The following CLCN7 variants were observed in gnomAD, a reference collection of about 807,000 sequenced individuals.
CLCN7 encodes the protein H(+)/Cl(-) exchange transporter 7.
In CLCN7, 60 loss-of-function variants were observed where a neutral mutation model predicts 102.1. The ratio of observed to expected loss-of-function variants is 0.59; its 90% CI spans 0.48 to 0.73. The LOEUF is 0.73. Ranked by LOEUF, CLCN7 falls within the 30% of genes least tolerant of loss-of-function variation. CLCN7 has a pLI of 0.00. For missense variants in CLCN7, 962 were observed against 1,125.7 expected, an observed-to-expected ratio of 0.85 and a Z score of 2.08; for synonymous variants, 560 against 490.5, an observed-to-expected ratio of 1.14 and a Z score of -1.87.
At chr16:1,448,890 T>G in intron 19 of CLCN7, 76 bp downstream of exon 19, 2 of 1,603,094 alleles carry the variant, frequency 1.2e-6, no homozygotes. Flanking sequence ...GGACCGGCTG[T>G]TTGGAGGCTC....
chr16:1,450,524 G>A lies in CLCN7; in HGVS notation c.1590C>T (p.Ile530=). The A allele has an allele frequency of 6.2e-7, 1 of 1,609,074 alleles. No homozygotes were observed. Among genetic ancestry groups the A allele is most frequent in the South Asian group, 1.1e-5 (1 of 90,342 alleles). ...IGAAWGRLFG[I]SLSYLTGAAI... ...CCGCCCCCGTGAGGTAGGACAGGGA[G>A]ATCCCAAAGAGCCGGCCCCAGGCAG... Residue 530 remains isoleucine (I), a synonymous_variant, in exon 17 of 25, where the codon ATC becomes ATT. Coordinates refer to ENST00000382745, the MANE Select transcript of CLCN7 (RefSeq NM_001287.6).
At chr16:1,469,705 C>G (rs2039050696) in intron 1 of CLCN7, among the ~76,000 whole-genome samples, 1 of 152,078 alleles carries the variant, frequency 6.6e-6, no homozygotes, top group Admixed American at 6.5e-5. Flanking sequence ...CAAAAATAAA[C>G]AAAAAACCAA....
intron 1 of CLCN7, among the ~76,000 whole-genome samples, chr16:1,467,017 A>G (rs1292582704): frequency 1.4e-5 from 2 of 145,318 alleles, no homozygotes; most frequent in Admixed American, 1.4e-4. Flanking sequence ...TCCTGTTACC[A>G]GCCACCGTCG....
rs759560642 is a variant in CLCN7, at chr16:1,448,730, G to C, written c.1834C>G (p.Pro612Ala). 3 of 1,612,416 alleles carry C rather than the reference G, an allele frequency of 1.9e-6. No homozygotes were observed. The highest frequency in any genetic ancestry group is 2.2e-5 in the East Asian group (1 of 44,882). Residue 612 changes from proline (P) to alanine (A), a missense_variant, in exon 20 of 25, where the codon CCC becomes GCC. Pro to Ala is a conservative substitution (Grantham distance 27). Coordinates refer to ENST00000382745, the MANE Select transcript of CLCN7 (RefSeq NM_001287.6). The stretch of plus-strand genomic sequence containing the variant: ...ACCGGGGCCTCCCAGTGCAGGAAGG[G>C]CACACTCTGCAGCTGAATGTGCATG... Reference protein sequence around the residue: ...YDMHIQLQSVPFLHWEAPVTS... With the variant: ...YDMHIQLQSVAFLHWEAPVTS...
Position 1,457,582 on chromosome 16 carries a change from C to T in CLCN7, c.738+112G>A. 1 of 1,042,280 alleles carries T rather than the reference C, an allele frequency of 9.6e-7. No homozygotes were observed. The highest frequency in any genetic ancestry group is 1.5e-6 in the Non-Finnish European group (1 of 680,500). The allele number at this position is 1,042,280 out of a possible 1,614,324, so 64.6% of individuals were successfully genotyped here. A position where few individuals can be genotyped will look rare whatever the true frequency, so the allele number is the denominator to read the frequency against. On this transcript the variant is annotated intron_variant, in intron 8 of 24. Coordinates refer to ENST00000382745, the MANE Select transcript of CLCN7 (RefSeq NM_001287.6). The surrounding 1 kb of genome is among the most constrained non-coding windows in gnomAD (Gnocchi z 5.4). ...GTGCTCAGAGACACGCGTGACGCGG[C>T]CCTTCCTGGAGACCAGAAGGACCGG...
intron 2 of CLCN7, among the ~76,000 whole-genome samples, chr16:1,462,327 A>AAGACC (rs1278047506): frequency 1.3e-5 from 2 of 148,456 alleles, no homozygotes; most frequent in Admixed American, 1.3e-4. Context: ...CCAGGAGTTC[A>AAGACC]AGACCAGCCT....
chr16:1,454,646 C>T (rs531783144), intron 12 of CLCN7, among the ~76,000 whole-genome samples, 181 bp from the exon 13 acceptor site: 1 of 152,206 alleles, frequency 6.6e-6, no homozygotes, highest in Non-Finnish European at 1.5e-5. Flanking sequence ...GCAGGCCTGG[C>T]CCCTGCCTGG....
chr16:1,455,433 C>A, intron 11 of CLCN7, 183 bp from the exon 12 acceptor site: 1 of 663,602 alleles, frequency 1.5e-6, no homozygotes, highest in Admixed American at 2.2e-5. Context: ...AGGAGCGGCC[C>A]AGCCCTCTCT....
intron 6 of CLCN7, 84 bp from the exon 7 acceptor site, chr16:1,459,271 G>T: frequency 8.0e-7 from 1 of 1,251,040 alleles, no homozygotes; most frequent in Non-Finnish European, 1.2e-6. Context: ...CCCAGGAGCT[G>T]AGGAGAGCAG....
rs114566356 is a variant in CLCN7, at chr16:1,452,946, C to A, written c.1215-53G>T. On this transcript the variant is annotated intron_variant, in intron 14 of 24. Transcript: ENST00000382745. ...AGGCAGGACGGCAGCGCGGCCCCTC[C>A]GCAGGCCCCATGGCAACTCGAGTCC... 9 of 1,550,492 alleles carry A rather than the reference C, an allele frequency of 5.8e-6. No homozygotes were observed. In the African/African-American group the frequency reaches 6.8e-5, roughly 12 times the overall value.
intron 12 of CLCN7, 130 bp from the exon 13 acceptor site, chr16:1,454,595 C>G (rs2038804920): frequency 1.1e-6 from 1 of 884,370 alleles, no homozygotes; most frequent in African/African-American, 1.6e-5. Context: ...TCCACGCAGG[C>G]TGCGGAAGTC....
intron 1 of CLCN7, among the ~76,000 whole-genome samples, chr16:1,467,409 C>G (rs74002259): frequency 1.3e-5 from 2 of 152,276 alleles, no homozygotes; most frequent in East Asian, 1.9e-4. Context: ...TCCTGCCACA[C>G]GGGCTGACGG....
rs1412399477 is a variant in CLCN7 at position 1,447,072 on chromosome 16, T to C, written c.2265A>G (p.Pro755=). Residue 755 remains proline (P), a synonymous_variant, in exon 24 of 25, where the codon CCA becomes CCG. Transcript: ENST00000382745. The part of the protein sequence containing the change: ...PYTVPQEASL[P]RVFKLFRALG... ...GGGCCCGGAACAGCTTGAACACCCG[T>C]GGGAGCGACGCCTCCTGCAGCAGGG... 6.2e-7 allele frequency: 1 copy of C among 1,600,080 alleles called. No individual in the cohort carries two copies. The highest frequency in any genetic ancestry group is 1.7e-5 in the Admixed American group (1 of 59,554).
chr16:1,451,650 C>T lies in CLCN7; in HGVS notation c.1420G>A (p.Val474Met), dbSNP rs775122102. ...GGCGGGTCGTGGAAGAGGCTCACCACGCTCTTCTCCGGGGTGTTGAAGAAG... is the reference window on the plus strand; with the variant it reads ...GGCGGGTCGTGGAAGAGGCTCACCATGCTCTTCTCCGGGGTGTTGAAGAAG... ...AAFFNTPEKSVVSLFHDPPGS... is the reference protein window; with the variant it reads ...AAFFNTPEKSMVSLFHDPPGS... Residue 474 changes from valine to methionine, a missense_variant, in exon 16 of 25, where the codon GTG becomes ATG. Val to Met is a conservative substitution (Grantham distance 21). Transcript: ENST00000382745. 11 of 1,612,534 alleles carry T rather than the reference C, an allele frequency of 6.8e-6. No individual in the cohort carries two copies. Among genetic ancestry groups the T allele is most frequent in the African/African-American group, 4.0e-5 (3 of 75,052 alleles).
At chr16:1,448,878 C>T (rs376073738) in intron 19 of CLCN7, 88 bp downstream of exon 19, 156 of 1,598,960 alleles carry the variant, frequency 9.8e-5, no homozygotes, top group African/African-American at 5.6e-4. Context: ...GCCTACCCCC[C>T]GGGACCGGCT....
chr16:1,472,375 C>T (rs1596232263), intron 1 of CLCN7, among the ~76,000 whole-genome samples: 1 of 152,164 alleles, frequency 6.6e-6, no homozygotes, highest in South Asian at 2.1e-4. Context: ...GGATTACAGG[C>T]GCTCACCACT....
Position 1,466,223 on chromosome 16 carries a change from C to T in CLCN7, c.142-885G>A, listed in dbSNP as rs973520649. On this transcript the variant is annotated intron_variant, in intron 1 of 24. Transcript: ENST00000382745. ...GAGGAGTCCAGCGGCTGGTACCGGCCGTGGGAAGACCAACGAGGCTGCCGC... is the reference window on the plus strand; with the variant it reads ...GAGGAGTCCAGCGGCTGGTACCGGCTGTGGGAAGACCAACGAGGCTGCCGC... Among the ~76,000 whole-genome samples the T allele has an allele frequency of 7.9e-5, 12 of 152,248 alleles. 1 individual carries two copies. Among genetic ancestry groups the T allele is most frequent in the Admixed American group, 6.5e-4 (10 of 15,286 alleles).
chr16:1,474,786 G>A, intron 1 of CLCN7, 48 bp downstream of exon 1: 3 of 1,241,054 alleles, frequency 2.4e-6, no homozygotes, highest in East Asian at 3.6e-5. Flanking sequence ...GCGGGCTGCG[G>A]GGCGCACGAG....
chr16:1,453,942 G>T (rs751921607), intron 13 of CLCN7, 48 bp from the exon 14 acceptor site: 1 of 1,583,924 alleles, frequency 6.3e-7, no homozygotes, highest in Non-Finnish European at 8.6e-7. Context: ...GAAAAGTGCG[G>T]GCCTCCGCCC....
Sources: allele counts gnomAD v4.1 joint callset (sites outside exome capture counted in the v4.1 genomes callset), GRCh38; gene constraint gnomAD v4.1.1; non-coding constraint Gnocchi (gnomAD v3.1); transcripts MANE v1.5; gene names NCBI Gene and HGNC (gene_info 2026-07-23, HGNC 2026-07-21).